Variants in MICAL3 observed in about 807,000 individuals in gnomAD.
MICAL3 encodes the protein [F-actin]-monooxygenase MICAL3.
In MICAL3, 62 loss-of-function variants were observed where a neutral mutation model predicts 207.4. That is an observed-to-expected ratio of 0.30 (90% CI 0.24 to 0.37). MICAL3 has a LOEUF of 0.37. MICAL3 is among the 10% of genes least tolerant of loss of function. The pLI, the probability that MICAL3 is intolerant of heterozygous loss-of-function variation, is 1.00. For synonymous variants in MICAL3, 1,077 were observed against 1,069.3 expected (o/e 1.01, Z -0.14); for missense variants, 2,368 against 2,635.6 (o/e 0.90, Z 2.22).
At chr22:17,866,661 A>AAT (rs1927178860) in intron 17 of MICAL3, among the ~76,000 whole-genome samples, 1 of 151,700 alleles carries the variant, frequency 6.6e-6, no homozygotes, top group Non-Finnish European at 1.5e-5. Context: ...AATAGAATAG[A>AAT]ATAGAATATA....
intron 1 of MICAL3, among the ~76,000 whole-genome samples, chr22:18,009,015 A>AT (rs1203103298): frequency 1.3e-5 from 2 of 152,178 alleles, no homozygotes; most frequent in African/African-American, 2.4e-5. Flanking sequence ...AAATTGGGTG[A>AT]TTTTTCCCCT....
At chr22:18,023,423 C>T (rs917134361) in intron 1 of MICAL3, among the ~76,000 whole-genome samples, 14 of 139,592 alleles carry the variant, frequency 1.0e-4, no homozygotes, top group African/African-American at 3.5e-4. Flanking sequence ...TCGGTTTCAC[C>T]CTTTTTTCAT....
At chr22:17,812,191 A>G (rs118028209) in intron 27 of MICAL3, among the ~76,000 whole-genome samples, 1,745 of 152,324 alleles carry the variant, frequency 0.011, 16 homozygotes, top group Non-Finnish European at 0.017. Context: ...TCAGCGCTGC[A>G]CCTTGCTGAT....
chr22:17,982,716 A>ATAACAT (rs11393673), intron 1 of MICAL3, among the ~76,000 whole-genome samples: 3 of 90,494 alleles, frequency 3.3e-5, no homozygotes, highest in Non-Finnish European at 4.8e-5. Flanking sequence ...ATAACATAAC[A>ATAACAT]AACATAACAT....
At chr22:17,910,664 T>C (rs766438995) in intron 1 of MICAL3, among the ~76,000 whole-genome samples, 6 of 152,194 alleles carry the variant, frequency 3.9e-5, no homozygotes, top group Non-Finnish European at 5.9e-5. Flanking sequence ...TGCAGCTGAA[T>C]GATGACTGCA....
intron 19 of MICAL3, among the ~76,000 whole-genome samples, chr22:17,850,736 A>T (rs1354649001): frequency 6.6e-6 from 1 of 151,768 alleles, no homozygotes. Flanking sequence ...CTGTCAGGTT[A>T]TTTTTACTGT....
chr22:17,862,165 G>A, intron 19 of MICAL3: 1 of 985,212 alleles, frequency 1.0e-6, no homozygotes, highest in Non-Finnish European at 1.2e-6. Flanking sequence ...TACTGGTCGA[G>A]TGCACAGTAG....
intron 16 of MICAL3, among the ~76,000 whole-genome samples, chr22:17,882,971 G>T (rs1929570015): frequency 6.6e-6 from 1 of 152,118 alleles, no homozygotes; most frequent in African/African-American, 2.4e-5. Context: ...GCCCCTCAGT[G>T]CCATTCCAGC....
intron 1 of MICAL3, among the ~76,000 whole-genome samples, chr22:17,940,128 T>C (rs1339232130): frequency 1.3e-5 from 2 of 152,252 alleles, no homozygotes; most frequent in Non-Finnish European, 2.9e-5. Flanking sequence ...CACCATCTGA[T>C]TATTTTCAAT....
At chr22:17,908,243 T>G (rs1931885897) in intron 1 of MICAL3, among the ~76,000 whole-genome samples, 1 of 152,202 alleles carries the variant, frequency 6.6e-6, no homozygotes, top group African/African-American at 2.4e-5. Flanking sequence ...GGGTAAGCAC[T>G]GTTGCACGAA....
intron 1 of MICAL3, among the ~76,000 whole-genome samples, chr22:17,948,702 G>C (rs2146352801): frequency 6.6e-6 from 1 of 152,110 alleles, no homozygotes; most frequent in South Asian, 2.1e-4. Flanking sequence ...AGGAGTTCCA[G>C]ATACCAGCCT....
intron 1 of MICAL3, among the ~76,000 whole-genome samples, chr22:17,997,535 A>C (rs1487109620): frequency 6.6e-6 from 1 of 151,874 alleles, no homozygotes; most frequent in African/African-American, 2.4e-5. Flanking sequence ...GTCCAACCCC[A>C]CCTCCCATCA....
At chr22:17,918,422 A>C (rs1384454674) in intron 1 of MICAL3, among the ~76,000 whole-genome samples, 3 of 152,210 alleles carry the variant, frequency 2.0e-5, no homozygotes, top group Non-Finnish European at 4.4e-5. Context: ...CCAAGACAGA[A>C]ATTCAGTGAG....
intron 29 of MICAL3, among the ~76,000 whole-genome samples, chr22:17,797,263 A>G (rs944388681): frequency 2.6e-5 from 4 of 152,054 alleles, no homozygotes; most frequent in African/African-American, 9.7e-5. Context: ...GCACTTTGGG[A>G]GGTGAGGGTG....
chr22:17,899,267 T>C (rs988480745), intron 7 of MICAL3, 181 bp downstream of exon 7: 28 of 675,932 alleles, frequency 4.1e-5, no homozygotes, highest in African/African-American at 8.9e-5. Context: ...TTTATTTACA[T>C]TTGAAATTAG....
intron 1 of MICAL3, among the ~76,000 whole-genome samples, chr22:17,977,786 G>A (rs1037312760): frequency 6.6e-6 from 1 of 152,164 alleles, no homozygotes; most frequent in South Asian, 2.1e-4. Context: ...CACTTTGGGA[G>A]GCCGAGGCAG....
At position 17,896,913 on chromosome 22, in the gene MICAL3, G is replaced by C. The variant is rs779041030; in HGVS notation, c.1017C>G (p.Ala339=). The C allele has an allele frequency of 6.2e-7, 1 of 1,613,970 alleles. No individual in the cohort carries two copies. The highest frequency in any genetic ancestry group is 8.5e-7 in the Non-Finnish European group (1 of 1,179,894). Residue 339 remains alanine (A), a synonymous_variant, in exon 8 of 32, where the codon GCC becomes GCG. Transcript: ENST00000441493. ...NVDQEALLSY[A]REAADFSTQQ... ...GGGTAGAGAAGTCTGCCGCCTCCCT[G>C]GCATAGCTGAGCAGAGCCTCCTGGT...
chr22:17,953,270 A>G (rs1934437818), intron 1 of MICAL3, among the ~76,000 whole-genome samples: 1 of 152,116 alleles, frequency 6.6e-6, no homozygotes, highest in Non-Finnish European at 1.5e-5. Context: ...AAATTACCCC[A>G]CTAAAATAAA....
At chr22:17,904,993 G>A (rs1364875639) in intron 2 of MICAL3, among the ~76,000 whole-genome samples, 154 bp from the exon 3 acceptor site, 3 of 152,210 alleles carry the variant, frequency 2.0e-5, no homozygotes, top group African/African-American at 7.2e-5. Flanking sequence ...GGTCACAGCA[G>A]AGCACCTGCC....
Sources: gnomAD v4.1 joint callset for allele counts (sites outside exome capture counted in the v4.1 genomes callset) on GRCh38, gnomAD v4.1.1 for gene constraint, MANE v1.5 for transcripts, NCBI Gene and HGNC (gene_info 2026-07-23, HGNC 2026-07-21) for gene names.